Variants in KIAA1217 observed in about 807,000 individuals in gnomAD.
KIAA1217 encodes KIAA1217.
In KIAA1217, 88 loss-of-function variants were observed where a neutral mutation model predicts 163.9. The observed-to-expected ratio is 0.54, with a 90% CI of 0.45 to 0.64. The LOEUF (loss-of-function observed/expected upper bound fraction) is 0.64, where lower values mean the gene tolerates loss of function less well. Ranked by LOEUF, KIAA1217 falls within the 30% of genes least tolerant of loss-of-function variation. KIAA1217 has a pLI of 0.00. For missense variants in KIAA1217, 2,372 were observed against 2,475.0 expected, an observed-to-expected ratio of 0.96 and a Z score of 0.88; for synonymous variants, 903 against 923.1, an observed-to-expected ratio of 0.98 and a Z score of 0.39.
rs142591463 is a variant in KIAA1217, at chr10:24,083,980, AC to A, written c.-171+76608del. Reference sequence around the variant, plus strand: ...TGAGGAGCTAGGCTTCAGGAGAGAAACCTAAGAGCTAAGAAAATATTACAGA... The same window carrying A: ...TGAGGAGCTAGGCTTCAGGAGAGAAACTAAGAGCTAAGAAAATATTACAGA... On this transcript the variant is annotated intron_variant, in intron 2 of 18. Transcript: ENST00000376462. Among the ~76,000 whole-genome samples, 247 of 152,260 alleles carry A rather than the reference AC, an allele frequency of 1.6e-3. 3 individuals carry two copies. The East Asian group carries it at 0.029, about 18-fold the overall frequency.
chr10:24,197,235 TA>T (rs1222432920), intron 2 of KIAA1217, among the ~76,000 whole-genome samples: 1 of 152,232 alleles, frequency 6.6e-6, no homozygotes, highest in Admixed American at 6.5e-5. Context: ...AAATGGTCAT[TA>T]GACTTCTTGA....
chr10:23,700,346 T>A (rs1000246811), intron 1 of KIAA1217, among the ~76,000 whole-genome samples: 1 of 152,156 alleles, frequency 6.6e-6, no homozygotes, highest in Non-Finnish European at 1.5e-5. Context: ...TATCCCTGAA[T>A]TATTGCAGTG....
chr10:24,409,997 C>CTTTTTTT (rs71397947), intron 3 of KIAA1217, among the ~76,000 whole-genome samples: 183 of 123,776 alleles, frequency 1.5e-3, no homozygotes, highest in Non-Finnish European at 1.8e-3. Flanking sequence ...TTTCTTTTTT[C>CTTTTTTT]TTTTTTTTTT....
At position 24,032,460 on chromosome 10, in the gene KIAA1217, T is replaced by C. The variant is rs540168247; in HGVS notation, c.-171+25086T>C. Among the ~76,000 whole-genome samples the C allele has an allele frequency of 1.2e-3, 183 of 152,270 alleles. 3 individuals carry two copies. The Middle Eastern group carries it at 0.014, about 11-fold the overall frequency. On this transcript the variant is annotated intron_variant, in intron 2 of 18. Coordinates refer to the KIAA1217 transcript ENST00000376462. ...TGGGATCTCACTATGTTGCCCAGGC[T>C]GTTCTCCAACTCCGAGGCCCAAGTG...
At position 24,546,009 on chromosome 10, in the gene KIAA1217, T is replaced by C. The variant is rs2075697110; in HGVS notation, c.5517T>C (p.Pro1839=). ...PATKPSIASN[P]LSPQTGPPAH... ...CTAAACCATCGATTGCTTCTAACCC[T>C]CTCAGCCCCCAAACAGGACCACCTG... Residue 1839 remains proline (P), a synonymous_variant, in exon 21 of 21, where the codon CCT becomes CCC. Coordinates refer to ENST00000376454, the MANE Select transcript of KIAA1217 (RefSeq NM_019590.5). The C allele has an allele frequency of 1.9e-6, 3 of 1,614,112 alleles. No individual in the cohort carries two copies. Among genetic ancestry groups the C allele is most frequent in the Non-Finnish European group, 2.5e-6 (3 of 1,180,016 alleles).
intron 1 of KIAA1217, among the ~76,000 whole-genome samples, chr10:23,959,494 A>G (rs1844724163): frequency 6.6e-6 from 1 of 152,224 alleles, no homozygotes; most frequent in African/African-American, 2.4e-5. Context: ...AGTCTGGGTA[A>G]CAGAGTGAGA....
intron 2 of KIAA1217, among the ~76,000 whole-genome samples, chr10:24,356,661 C>T (rs2049146228): frequency 6.6e-6 from 1 of 152,198 alleles, no homozygotes; most frequent in African/African-American, 2.4e-5. Context: ...AAGCACGTTC[C>T]TAAGAAAAGA....
intron 2 of KIAA1217, among the ~76,000 whole-genome samples, chr10:24,136,652 TGA>T (rs2063843700): frequency 6.6e-6 from 1 of 152,188 alleles, no homozygotes; most frequent in African/African-American, 2.4e-5. Flanking sequence ...ACCTTTTTTG[TGA>T]GTTTATAGTC....
chr10:24,039,195 T>G lies in KIAA1217; in HGVS notation c.-171+31821T>G, dbSNP rs555828791. Reference sequence around the variant, plus strand: ...TCTCTCAGGTTTGGAAAAACCACCCTGGCCTAAAGACAGCTGCCCTAGCCA... The same window carrying G: ...TCTCTCAGGTTTGGAAAAACCACCCGGGCCTAAAGACAGCTGCCCTAGCCA... On this transcript the variant is annotated intron_variant, in intron 2 of 18. Coordinates refer to the KIAA1217 transcript ENST00000376462. Among the ~76,000 whole-genome samples, 31 of 152,218 alleles carry G rather than the reference T, an allele frequency of 2.0e-4. 1 individual carries two copies. Among genetic ancestry groups the G allele is most frequent in the African/African-American group, 7.2e-4 (30 of 41,530 alleles).
chr10:23,894,760 C>A lies in KIAA1217; in HGVS notation c.-320-112465C>A, dbSNP rs1266687797. 2.7e-5 allele frequency among the ~76,000 whole-genome samples: 4 copies of A among 150,122 alleles called. No homozygotes were observed. The East Asian group carries it at 7.8e-4, about 29-fold the overall frequency. ...AAACTATACTACAAGGCTACAGTAACCAAAACAGCATGGTACTGGTACCAA... is the reference window on the plus strand; with the variant it reads ...AAACTATACTACAAGGCTACAGTAAACAAAACAGCATGGTACTGGTACCAA... On this transcript the variant is annotated intron_variant, in intron 1 of 18. Coordinates refer to the KIAA1217 transcript ENST00000376462.
chr10:24,484,476 A>G (rs1257011064), intron 6 of KIAA1217, among the ~76,000 whole-genome samples: 1 of 151,730 alleles, frequency 6.6e-6, no homozygotes, highest in Non-Finnish European at 1.5e-5. Flanking sequence ...TGAACTCCTG[A>G]CTTCAAGGGA....
intron 2 of KIAA1217, among the ~76,000 whole-genome samples, chr10:24,223,002 A>C (rs2069874261): frequency 6.6e-6 from 1 of 152,114 alleles, no homozygotes; most frequent in Admixed American, 6.5e-5. Context: ...GTAAACTGTC[A>C]TGGCAGTGGT....
At chr10:24,300,026 T>C (rs1438132605) in intron 2 of KIAA1217, among the ~76,000 whole-genome samples, 1 of 152,206 alleles carries the variant, frequency 6.6e-6, no homozygotes, top group African/African-American at 2.4e-5. Flanking sequence ...CCTATCTTCC[T>C]GTGATTTCTC....
At chr10:24,250,393 CGT>C (rs1429705476) in intron 2 of KIAA1217, among the ~76,000 whole-genome samples, 2 of 150,956 alleles carry the variant, frequency 1.3e-5, no homozygotes, top group African/African-American at 4.9e-5. Context: ...CAATTTTACG[CGT>C]GTTTCCAAAA....
intron 2 of KIAA1217, among the ~76,000 whole-genome samples, chr10:24,371,669 T>A (rs1255346287): frequency 1.3e-5 from 2 of 152,218 alleles, no homozygotes; most frequent in Non-Finnish European, 2.9e-5. Flanking sequence ...ATTTGTGTTG[T>A]CATTTCAGGG....
chr10:24,423,062 A>G (rs940411696), intron 3 of KIAA1217, among the ~76,000 whole-genome samples: 4 of 150,952 alleles, frequency 2.6e-5, no homozygotes, highest in African/African-American at 9.7e-5. Flanking sequence ...CCACCACCAC[A>G]CCCAGCTAAT....
chr10:24,145,833 G>C (rs1471244684), intron 2 of KIAA1217, among the ~76,000 whole-genome samples: 7 of 152,234 alleles, frequency 4.6e-5, no homozygotes. Flanking sequence ...ATGAAGGCCA[G>C]AAGACTCAAC....
chr10:23,765,936 G>C (rs1834497235), intron 1 of KIAA1217, among the ~76,000 whole-genome samples: 2 of 152,160 alleles, frequency 1.3e-5, no homozygotes, highest in Admixed American at 1.3e-4. Flanking sequence ...CCTAATGTTT[G>C]CTACTTTCAA....
intron 1 of KIAA1217, among the ~76,000 whole-genome samples, chr10:23,967,700 T>C (rs1201360709): frequency 6.6e-6 from 1 of 152,190 alleles, no homozygotes; most frequent in Non-Finnish European, 1.5e-5. Context: ...CATACAATAA[T>C]GCATTTATTT....
Sources: allele counts gnomAD v4.1 joint callset (sites outside exome capture counted in the v4.1 genomes callset), GRCh38; gene constraint gnomAD v4.1.1; transcripts MANE v1.5; gene names NCBI Gene and HGNC (gene_info 2026-07-23, HGNC 2026-07-21).